Variants in SEMA4D observed in about 807,000 individuals in gnomAD.
The protein encoded by SEMA4D is semaphorin 4D.
Under a neutral mutation model 74.8 loss-of-function variants are expected in SEMA4D, and 22 were observed. The ratio of observed to expected loss-of-function variants is 0.29; its 90% CI spans 0.21 to 0.42. The LOEUF is 0.42. Among genes scored for constraint, SEMA4D ranks in the 10% least tolerant of loss-of-function variants. SEMA4D has a pLI of 1.00. For synonymous variants in SEMA4D, 445 were observed against 463.7 expected, an observed-to-expected ratio of 0.96 and a Z score of 0.52; for missense variants, 937 against 1,118.4, an observed-to-expected ratio of 0.84 and a Z score of 2.31.
rs1366409893 is a variant in SEMA4D, at chr9:89,415,172, T to TA, written c.-243-9474_-243-9473insT. ...CTTCAGACTTGGATACAGACAATAC[T>TA]GTCTTTTCTGGAGGGTGTGTGGTGT... On this transcript the variant is annotated intron_variant, in intron 2 of 15. Transcript: ENST00000422704. 2.3e-3 allele frequency among the ~76,000 whole-genome samples: 351 copies of TA among 152,272 alleles called. 2 individuals carry two copies. Among genetic ancestry groups the TA allele is most frequent in the African/African-American group, 7.6e-3 (318 of 41,570 alleles).
At chr9:89,372,701 C>T (rs73654769), downstream of SEMA4D, among the ~76,000 whole-genome samples, 20,784 of 152,042 alleles carry the variant, frequency 0.14, 1,582 homozygotes, top group South Asian at 0.21. Context: ...TCCCAGGGCA[C>T]GGGCCCCAAG....
intron 5 of SEMA4D, among the ~76,000 whole-genome samples, 167 bp from the exon 6 acceptor site, chr9:89,397,002 G>A (rs1841116755): frequency 6.6e-6 from 1 of 152,228 alleles, no homozygotes; most frequent in South Asian, 2.1e-4. Context: ...GCCTTGTCTT[G>A]TCATCTAGAC....
At chr9:89,450,191 G>T (rs1564830713) in intron 2 of SEMA4D, 2 of 1,288,188 alleles carry the variant, frequency 1.6e-6, no homozygotes, top group Non-Finnish European at 2.3e-6. Flanking sequence ...AGCAGAAGAA[G>T]GACCATGAAA....
At chr9:89,439,121 A>G (rs1851152521) in intron 2 of SEMA4D, among the ~76,000 whole-genome samples, 1 of 151,602 alleles carries the variant, frequency 6.6e-6, no homozygotes, top group African/African-American at 2.4e-5. Context: ...AGCTGGGATT[A>G]CAGGCACCCA....
At chr9:89,493,865 G>A (rs1825810674) in intron 1 of SEMA4D, among the ~76,000 whole-genome samples, 2 of 152,216 alleles carry the variant, frequency 1.3e-5, no homozygotes, top group African/African-American at 4.8e-5. Flanking sequence ...CAGCAATGGG[G>A]ACCCCTCTGG....
intron 2 of SEMA4D, among the ~76,000 whole-genome samples, chr9:89,441,065 G>A (rs1425357470): frequency 6.6e-6 from 1 of 152,210 alleles, no homozygotes; most frequent in African/African-American, 2.4e-5. Context: ...CACTCTCCTG[G>A]GCAAGCTGCT....
At chr9:89,384,832 G>A (rs1838062519) in intron 13 of SEMA4D, 1 of 985,258 alleles carries the variant, frequency 1.0e-6, no homozygotes, top group Admixed American at 6.2e-5. Flanking sequence ...TTTTACCACT[G>A]AACAGCCACT....
chr9:89,387,581 T>C lies in SEMA4D; in HGVS notation c.1135A>G (p.Asn379Asp). ...ACIDSEARAANYTSSLNLPDK... is the reference protein window; with the variant it reads ...ACIDSEARAADYTSSLNLPDK... ...GGCAAATTCAAGGAGCTGGTGTAGT[T>C]GGCGGCCCGTGCCTCGCTGTCGATG... Residue 379 changes from asparagine (N) to aspartate (D), a missense_variant, in exon 12 of 16, where the codon AAC (asparagine) becomes GAC (aspartate). Physicochemically the swap from Asn to Asp is conservative, Grantham distance 23. Coordinates refer to ENST00000422704, the MANE Select transcript of SEMA4D (RefSeq NM_001371194.2). 6.2e-7 allele frequency: 1 copy of C among 1,614,214 alleles called. No individual in the cohort carries two copies. The highest frequency in any genetic ancestry group is 8.5e-7 in the Non-Finnish European group (1 of 1,180,052).
intron 3 of SEMA4D, among the ~76,000 whole-genome samples, 154 bp from the exon 4 acceptor site, chr9:89,403,170 C>T (rs532938834): frequency 1.3e-5 from 2 of 152,360 alleles, no homozygotes; most frequent in East Asian, 1.9e-4. Context: ...GCAACAGGCA[C>T]TGCTACAGTG....
intron 2 of SEMA4D, among the ~76,000 whole-genome samples, chr9:89,412,299 G>C (rs1844707620): frequency 6.6e-6 from 1 of 152,284 alleles, no homozygotes; most frequent in South Asian, 2.1e-4. Flanking sequence ...TCTTGTAATA[G>C]TATCCACGAC....
intron 1 of SEMA4D, among the ~76,000 whole-genome samples, chr9:89,456,814 T>C (rs1018096758): frequency 9.8e-5 from 15 of 152,330 alleles, no homozygotes; most frequent in Admixed American, 9.2e-4. Context: ...GGTCTTGAAC[T>C]CCTGACCTAA....
exon 18 of SEMA4D, chr9:89,363,481 C>A (rs1281005890): frequency 6.2e-7 from 1 of 1,614,106 alleles, no homozygotes; most frequent in Non-Finnish European, 8.5e-7. Context: ...CAGCCACAGC[C>A]CTCCAGGCAG....
intron 2 of SEMA4D, chr9:89,418,004 A>C: frequency 7.4e-6 from 6 of 811,682 alleles, no homozygotes; most frequent in Non-Finnish European, 8.9e-6. Flanking sequence ...GCCTCTACAC[A>C]TTATCAACTC....
chr9:89,485,802 A>AAAAAAG (rs1403419426), intron 1 of SEMA4D, among the ~76,000 whole-genome samples: 1 of 112,944 alleles, frequency 8.9e-6, no homozygotes, highest in Non-Finnish European at 2.1e-5. Context: ...AAAAAAAAAA[A>AAAAAAG]AAAAAAAAAA....
intron 2 of SEMA4D, among the ~76,000 whole-genome samples, chr9:89,446,496 C>T (rs148499592): frequency 6.6e-6 from 1 of 152,202 alleles, no homozygotes; most frequent in Non-Finnish European, 1.5e-5. Flanking sequence ...ATGACCCCAC[C>T]CAGCCCAACA....
intron 16 of SEMA4D, among the ~76,000 whole-genome samples, chr9:89,365,876 G>A (rs1013857443): frequency 2.0e-4 from 30 of 152,188 alleles, no homozygotes; most frequent in South Asian, 8.3e-4. Flanking sequence ...GCTGACTTTA[G>A]TAATGCATTT....
intron 2 of SEMA4D, among the ~76,000 whole-genome samples, chr9:89,420,479 C>T: frequency 6.6e-6 from 1 of 152,226 alleles, no homozygotes; most frequent in South Asian, 2.1e-4. Context: ...CCTCTCATGG[C>T]CTTCACATCC....
chr9:89,434,463 T>G (rs1222229500), intron 2 of SEMA4D, among the ~76,000 whole-genome samples: 1 of 152,236 alleles, frequency 6.6e-6, no homozygotes, highest in Non-Finnish European at 1.5e-5. Flanking sequence ...AGTCTGTCTT[T>G]TCTCCTGTTA....
In SEMA4D at chr9:89,492,324, C is replaced by T. The variant is rs967719803; in HGVS notation, c.-310+5595G>A. ...TCTGGTTATCCCCTACCTCGCTGGCCGCACCTTCTTGGTTTCTTGTTCCAG... is the reference window on the plus strand; with the variant it reads ...TCTGGTTATCCCCTACCTCGCTGGCTGCACCTTCTTGGTTTCTTGTTCCAG... On this transcript the variant is annotated intron_variant, in intron 1 of 15. Coordinates refer to ENST00000422704, the MANE Select transcript of SEMA4D (RefSeq NM_001371194.2). This position sits in a 1 kb window ranked among gnomAD's most constrained non-coding sequence, Gnocchi z 4.3. 3.3e-5 allele frequency among the ~76,000 whole-genome samples: 5 copies of T among 152,168 alleles called. No individual in the cohort carries two copies. The highest frequency in any genetic ancestry group is 2.1e-4 in the South Asian group (1 of 4,832).
Sources: allele counts gnomAD v4.1 joint callset (sites outside exome capture counted in the v4.1 genomes callset), GRCh38; gene constraint gnomAD v4.1.1; non-coding constraint Gnocchi (gnomAD v3.1); transcripts MANE v1.5; gene names NCBI Gene and HGNC (gene_info 2026-07-23, HGNC 2026-07-21).